Variants in HECW1 observed in about 807,000 individuals in gnomAD.
HECW1 encodes the protein HECT, C2 and WW domain containing E3 ubiquitin protein ligase 1.
Under a neutral mutation model 182.3 loss-of-function variants are expected in HECW1, and 61 were observed. The ratio of observed to expected loss-of-function variants is 0.33; its 90% confidence interval spans 0.27 to 0.41. The LOEUF is 0.41. Among genes scored for constraint, HECW1 ranks in the 10% least tolerant of loss-of-function variants. The pLI is 1.00. For synonymous variants in HECW1, 859 were observed against 832.6 expected, an observed-to-expected ratio of 1.03 and a Z score of -0.55; for missense variants, 1,739 against 2,108.9, an observed-to-expected ratio of 0.82 and a Z score of 3.44.
chr7:43,254,183 T>C (rs1800322392), intron 3 of HECW1, among the ~76,000 whole-genome samples: 1 of 152,208 alleles, frequency 6.6e-6, no homozygotes. Context: ...CTTTGTTTCC[T>C]GAGTCAGGCT....
intron 2 of HECW1, among the ~76,000 whole-genome samples, chr7:43,179,350 GAGAGTTCCA>G (rs1234815330): frequency 6.6e-6 from 1 of 152,206 alleles, no homozygotes; most frequent in Admixed American, 6.5e-5. Flanking sequence ...TCCCAAGTCT[GAGAGTTCCA>G]AGTGTGGTAA....
At chr7:43,409,207 C>G (rs1187560143) in intron 8 of HECW1, among the ~76,000 whole-genome samples, 1 of 152,204 alleles carries the variant, frequency 6.6e-6, no homozygotes, top group Non-Finnish European at 1.5e-5. Flanking sequence ...GGGAAATAGA[C>G]TTGTACTTAA....
intron 6 of HECW1, among the ~76,000 whole-genome samples, chr7:43,376,853 A>G (rs1005376554): frequency 6.6e-6 from 1 of 151,034 alleles, no homozygotes; most frequent in Non-Finnish European, 1.5e-5. Flanking sequence ...GTGACAGAGC[A>G]AGGACTCTGT....
chr7:43,449,234 C>G (rs867764239), intron 11 of HECW1, among the ~76,000 whole-genome samples: 1 of 152,228 alleles, frequency 6.6e-6, no homozygotes, highest in Non-Finnish European at 1.5e-5. Flanking sequence ...TACAAACAAA[C>G]ATGAGTGTGG....
intron 4 of HECW1, among the ~76,000 whole-genome samples, chr7:43,317,085 G>A (rs1429901082): frequency 6.6e-6 from 1 of 152,036 alleles, no homozygotes. Context: ...TCAAAATCTT[G>A]TTGAAAGGAT....
intron 16 of HECW1, among the ~76,000 whole-genome samples, chr7:43,470,894 A>G (rs1457913018): frequency 6.6e-6 from 1 of 152,230 alleles, no homozygotes; most frequent in Non-Finnish European, 1.5e-5. Flanking sequence ...ACCACAGTCC[A>G]TAGGGTGGTC....
intron 8 of HECW1, among the ~76,000 whole-genome samples, chr7:43,428,940 C>T (rs1160441117): frequency 2.0e-5 from 3 of 151,582 alleles, no homozygotes; most frequent in Admixed American, 6.6e-5. Flanking sequence ...AGACAGAATA[C>T]ATATATGTGT....
At chr7:43,122,969 G>A (rs1453786228) in intron 2 of HECW1, among the ~76,000 whole-genome samples, 2 of 152,242 alleles carry the variant, frequency 1.3e-5, no homozygotes, top group South Asian at 2.1e-4. Context: ...CGGTTCTTTT[G>A]TGTGTGAGAT....
At chr7:43,265,243 G>C (rs1801647156) in intron 3 of HECW1, among the ~76,000 whole-genome samples, 1 of 152,070 alleles carries the variant, frequency 6.6e-6, no homozygotes, top group Admixed American at 6.6e-5. Context: ...CATCTCAGAG[G>C]TAAGGAGAAT....
intron 5 of HECW1, among the ~76,000 whole-genome samples, chr7:43,325,022 T>G (rs1463995614): frequency 1.3e-5 from 2 of 152,204 alleles, no homozygotes; most frequent in African/African-American, 4.8e-5. Context: ...AATCTGATTT[T>G]GAAAGTACCA....
chr7:43,130,774 T>C (rs570787911), intron 2 of HECW1, among the ~76,000 whole-genome samples: 1 of 152,200 alleles, frequency 6.6e-6, no homozygotes, highest in Non-Finnish European at 1.5e-5. Flanking sequence ...ATTGTGGAAT[T>C]TTCCACTTGT....
chr7:43,299,614 G>A (rs1806479892), intron 3 of HECW1, among the ~76,000 whole-genome samples: 1 of 152,182 alleles, frequency 6.6e-6, no homozygotes, highest in Admixed American at 6.5e-5. Flanking sequence ...GATTAGCTGT[G>A]TGGAAAATGT....
At position 43,554,604 on chromosome 7, in the gene HECW1, G is replaced by A. The variant is rs760392604; in HGVS notation, c.4523G>A (p.Gly1508Glu). 6.2e-7 allele frequency: 1 copy of A among 1,612,676 alleles called. No homozygotes were observed. Among genetic ancestry groups the A allele is most frequent in the South Asian group, 1.1e-5 (1 of 90,608 alleles). ...NTEYRGGYHD[G>E]HLVIRWFWAA... ...TTGCCTCGTGCAGGTTACCACGATG[G>A]GCATCTTGTGATCCGCTGGTTCTGG... is the stretch of plus-strand genomic sequence containing the variant. Residue 1508 changes from glycine to glutamate, a missense_variant, in exon 29 of 30, where the codon GGG becomes GAG. By Grantham distance (98) the Gly-to-Glu change is moderately conservative. Around this residue, in one of 5 missense-constraint regions of HECW1, gnomAD observed 420 missense variants for 595.7 expected, o/e 0.71. Transcript: ENST00000395891.
At chr7:43,232,652 A>G (rs556854255) in intron 2 of HECW1, among the ~76,000 whole-genome samples, 1 of 152,184 alleles carries the variant, frequency 6.6e-6, no homozygotes, top group Non-Finnish European at 1.5e-5. Context: ...AGCAAGAGGG[A>G]TGGTGAAACT....
intron 24 of HECW1, among the ~76,000 whole-genome samples, chr7:43,518,266 G>A (rs928754464): frequency 5.3e-5 from 8 of 152,114 alleles, no homozygotes; most frequent in Middle Eastern, 3.4e-3. Context: ...AGGCCAAGGC[G>A]GGTGGATCAC....
intron 3 of HECW1, among the ~76,000 whole-genome samples, chr7:43,292,759 T>C (rs1281162898): frequency 6.6e-6 from 1 of 151,964 alleles, no homozygotes; most frequent in Non-Finnish European, 1.5e-5. Context: ...CCTAGCAGGG[T>C]GTGAGGGCTT....
At chr7:43,264,164 A>G (rs1202595541) in intron 3 of HECW1, among the ~76,000 whole-genome samples, 1 of 152,220 alleles carries the variant, frequency 6.6e-6, no homozygotes, top group Non-Finnish European at 1.5e-5. Context: ...TACAGTCACC[A>G]TACTTCGCAA....
In HECW1 at chr7:43,307,905, T is replaced by TAG. The variant is rs1807820888; in HGVS notation, c.28-3857_28-3856insGA. 5.1e-5 allele frequency among the ~76,000 whole-genome samples: 7 copies of TAG among 138,128 alleles called. No homozygotes were observed. In the South Asian group the frequency reaches 1.5e-3, roughly 30 times the overall value. The allele number at this position is 138,128 out of a possible 152,430, so 90.6% of individuals were successfully genotyped here. On this transcript the variant is annotated intron_variant, in intron 3 of 29. Transcript: ENST00000395891. ...ATATATATATATATATACACATATA[T>TAG]ATATATATATATACACACACACATA...
intron 6 of HECW1, chr7:43,377,651 C>T: frequency 5.0e-6 from 1 of 201,794 alleles, no homozygotes; most frequent in East Asian, 7.6e-5. Flanking sequence ...TTTTTTTTCT[C>T]TTTGTGAGTT....
Sources: gnomAD v4.1 joint callset for allele counts (sites outside exome capture counted in the v4.1 genomes callset) on GRCh38, gnomAD v4.1.1 for gene constraint, gnomAD v4.1.1 regional missense constraint, MANE v1.5 for transcripts, NCBI Gene and HGNC (gene_info 2026-07-23, HGNC 2026-07-21) for gene names.